The following IL1RAPL2 variants were observed in gnomAD, a reference collection of about 807,000 sequenced individuals.
The protein encoded by IL1RAPL2 is X-linked interleukin-1 receptor accessory protein-like 2.
In IL1RAPL2, 3 loss-of-function variants were observed where a neutral mutation model predicts 44.1. That is an observed-to-expected ratio of 0.07 (90% CI 0.03 to 0.18). The LOEUF is 0.18. IL1RAPL2 is among the 10% of genes least tolerant of loss of function. IL1RAPL2 has a pLI of 1.00. For missense variants in IL1RAPL2, 391 were observed against 496.4 expected, an observed-to-expected ratio of 0.79 and a Z score of 2.02; for synonymous variants, 181 against 178.8, an observed-to-expected ratio of 1.01 and a Z score of -0.10.
Position 104,749,792 on chromosome X carries a change from G to A in IL1RAPL2, c.82+90797G>A, listed in dbSNP as rs768994080. The stretch of plus-strand genomic sequence containing the variant: ...GATGAGCCTATTTATTTCAATGGGT[G>A]AATATATGTAATAGATTAAGACAAT... On this transcript the variant is annotated intron_variant, in intron 2 of 10. Transcript: ENST00000372582. Among the ~76,000 whole-genome samples the A allele has an allele frequency of 5.4e-5, 6 of 111,881 alleles. No individual in the cohort carries two copies. In the South Asian group the frequency reaches 2.2e-3, roughly 42 times the overall value.
intron 2 of IL1RAPL2, among the ~76,000 whole-genome samples, chrX:104,797,272 C>T (rs1007915147): frequency 6.4e-5 from 6 of 93,410 alleles, no homozygotes; most frequent in Non-Finnish European, 1.0e-4. Flanking sequence ...TGATTTGGTA[C>T]GAGGCAATTT....
chrX:105,449,322 C>T (rs1366880674), intron 5 of IL1RAPL2, among the ~76,000 whole-genome samples: 1 of 111,103 alleles, frequency 9.0e-6, no homozygotes, highest in Admixed American at 9.6e-5. Context: ...CGGTGGCTCA[C>T]GCCTGTAATC....
intron 2 of IL1RAPL2, among the ~76,000 whole-genome samples, chrX:104,808,750 T>G: frequency 9.0e-6 from 1 of 111,672 alleles, no homozygotes; most frequent in Middle Eastern, 4.6e-3. Context: ...CCAGAGATAT[T>G]GGCCAGAAGA....
chrX:105,470,724 G>A (rs933939935), intron 5 of IL1RAPL2, among the ~76,000 whole-genome samples: 1 of 111,995 alleles, frequency 8.9e-6, no homozygotes, highest in Middle Eastern at 4.6e-3. Flanking sequence ...TTTGAAGCTT[G>A]TGGAGAATAT....
intron 5 of IL1RAPL2, among the ~76,000 whole-genome samples, chrX:105,398,888 G>A (rs1432977369): frequency 8.9e-6 from 1 of 111,746 alleles, no homozygotes; most frequent in African/African-American, 3.3e-5. Context: ...GCCCAACACA[G>A]TGCAGAGAAA....
chrX:105,155,997 C>T (rs2033265904), intron 2 of IL1RAPL2, among the ~76,000 whole-genome samples: 1 of 111,834 alleles, frequency 8.9e-6, no homozygotes, highest in Admixed American at 9.5e-5. Flanking sequence ...CCCACTCCAG[C>T]TGGCAGTGAC....
At chrX:104,659,204 A>T (rs1481614969) in intron 2 of IL1RAPL2, among the ~76,000 whole-genome samples, 6 of 111,806 alleles carry the variant, frequency 5.4e-5, no homozygotes, top group Non-Finnish European at 1.1e-4. Flanking sequence ...AACTTCAATG[A>T]CCAGTATACT....
chrX:105,255,866 G>C (rs2034310024), intron 4 of IL1RAPL2, among the ~76,000 whole-genome samples: 1 of 111,794 alleles, frequency 8.9e-6, no homozygotes, highest in Non-Finnish European at 1.9e-5. Flanking sequence ...ACATGAAGGG[G>C]TGTTGAATTT....
Position 105,407,934 on chromosome X carries a change from C to A in IL1RAPL2, c.698-76379C>A, listed in dbSNP as rs1271395004. 5.4e-5 allele frequency among the ~76,000 whole-genome samples: 6 copies of A among 112,057 alleles called. No individual in the cohort carries two copies. In the South Asian group the frequency reaches 2.2e-3, roughly 41 times the overall value. On this transcript the variant is annotated intron_variant, in intron 5 of 10. Coordinates refer to ENST00000372582, the MANE Select transcript of IL1RAPL2 (RefSeq NM_017416.2). Reference sequence around the variant, plus strand: ...AGGAAGATACTTCAAAACCAAAAAACCAAGGTGCATCATTAATATTCATTT... The same window carrying A: ...AGGAAGATACTTCAAAACCAAAAAAACAAGGTGCATCATTAATATTCATTT...
intron 6 of IL1RAPL2, among the ~76,000 whole-genome samples, chrX:105,680,339 T>G (rs1256053009): frequency 8.9e-6 from 1 of 112,028 alleles, no homozygotes; most frequent in Non-Finnish European, 1.9e-5. Context: ...CGTCCTAAAG[T>G]CCCTGGCTTG....
chrX:105,132,981 A>C (rs919251270), intron 2 of IL1RAPL2, among the ~76,000 whole-genome samples: 1 of 112,211 alleles, frequency 8.9e-6, no homozygotes, highest in African/African-American at 3.2e-5. Flanking sequence ...GTTGAAATGT[A>C]TTCAATAAAA....
At chrX:104,930,904 C>T (rs1241843272) in intron 2 of IL1RAPL2, among the ~76,000 whole-genome samples, 1 of 111,097 alleles carries the variant, frequency 9.0e-6, no homozygotes, top group Non-Finnish European at 1.9e-5. Context: ...TAAAGTGATT[C>T]CCCTAGTAAG....
chrX:104,668,944 C>T (rs1174208995), intron 2 of IL1RAPL2, among the ~76,000 whole-genome samples: 4 of 111,368 alleles, frequency 3.6e-5, no homozygotes, highest in African/African-American at 1.3e-4. Flanking sequence ...TCTCACCAAA[C>T]TACCTCTGAA....
chrX:104,622,513 A>G (rs1339917947), intron 1 of IL1RAPL2, among the ~76,000 whole-genome samples: 1 of 109,549 alleles, frequency 9.1e-6, no homozygotes, highest in Non-Finnish European at 1.9e-5. Flanking sequence ...TTTTTTTTTA[A>G]TATGTAGAGA....
In IL1RAPL2 at chrX:104,658,251, T is replaced by G. The variant is rs191862904; in HGVS notation, c.-19-644T>G. On this transcript the variant is annotated intron_variant, in intron 1 of 10. Coordinates refer to ENST00000372582, the MANE Select transcript of IL1RAPL2 (RefSeq NM_017416.2). The stretch of plus-strand genomic sequence containing the variant: ...CAATGATAGGCTGGATTAAGAATAT[T>G]TGGCACATATACACCATGGAATACT... Among the ~76,000 whole-genome samples the G allele has an allele frequency of 1.3e-3, 147 of 112,341 alleles. 1 individual carries two copies. The East Asian group carries it at 0.036, about 28-fold the overall frequency.
At chrX:104,754,868 A>C (rs1194875203) in intron 2 of IL1RAPL2, among the ~76,000 whole-genome samples, 3 of 111,498 alleles carry the variant, frequency 2.7e-5, no homozygotes, top group Non-Finnish European at 5.7e-5. Context: ...GTCAAATATG[A>C]GTTTCATTAG....
At chrX:104,824,488 T>A (rs1186225007) in intron 2 of IL1RAPL2, among the ~76,000 whole-genome samples, 1 of 112,102 alleles carries the variant, frequency 8.9e-6, no homozygotes, top group Admixed American at 9.4e-5. Flanking sequence ...GTACCTCTGG[T>A]AGAATTGGGC....
At chrX:105,704,167 T>C (rs745322615) in intron 6 of IL1RAPL2, among the ~76,000 whole-genome samples, 1 of 111,967 alleles carries the variant, frequency 8.9e-6, no homozygotes, top group Admixed American at 9.5e-5. Flanking sequence ...TCCAAACAAA[T>C]TGTATGTGCA....
At chrX:105,067,246 G>C (rs901437057) in intron 2 of IL1RAPL2, among the ~76,000 whole-genome samples, 1 of 110,116 alleles carries the variant, frequency 9.1e-6, no homozygotes, top group Non-Finnish European at 1.9e-5. Context: ...ACGTGTGCGC[G>C]CACATACACA....
Sources: allele counts gnomAD v4.1 joint callset (sites outside exome capture counted in the v4.1 genomes callset), GRCh38; gene constraint gnomAD v4.1.1; transcripts MANE v1.5; gene names NCBI Gene and HGNC (gene_info 2026-07-23, HGNC 2026-07-21).